GTPBP3: variants seen among roughly 807,000 people sequenced by gnomAD.
GTPBP3 encodes the protein 5-taurinomethyluridine-[tRNA] synthase subunit GTPB3, mitochondrial.
A neutral mutation model predicts 42.0 loss-of-function variants in GTPBP3; 35 were observed. That is an observed-to-expected ratio of 0.83 (90% CI 0.64 to 1.10). The LOEUF is 1.10. Ranked by LOEUF, GTPBP3 falls within the 50% of genes least tolerant of loss-of-function variation. The pLI is 0.00. For synonymous variants in GTPBP3, 332 were observed against 314.9 expected (o/e 1.05, Z -0.58); for missense variants, 691 against 685.2 (o/e 1.01, Z -0.09).
At chr19:17,337,828 C>T (rs2074381363) in intron 1 of GTPBP3, 164 bp downstream of exon 1, 3 of 1,185,112 alleles carry the variant, frequency 2.5e-6, no homozygotes, top group South Asian at 3.2e-5. Flanking sequence ...ATCTGGGTCT[C>T]CTTCTGGCCT....
At position 17,339,271 on chromosome 19, in the gene GTPBP3, G is replaced by C; in HGVS notation, c.808+5G>C. The C allele has an allele frequency of 1.3e-6, 2 of 1,597,014 alleles. No homozygotes were observed. The highest frequency in any genetic ancestry group is 8.5e-7 in the Non-Finnish European group (1 of 1,171,944). On this transcript the variant is annotated splice_donor_5th_base_variant and intron_variant, in intron 6 of 8. Transcript: ENST00000324894. Reference sequence around the variant, plus strand: ...GCAGCCTAGTGAACCTGCTCAGTGAGTAGGCGGCGGGAAGGGGGCGGGGCC... The same window carrying C: ...GCAGCCTAGTGAACCTGCTCAGTGACTAGGCGGCGGGAAGGGGGCGGGGCC...
intron 7 of GTPBP3, among the ~76,000 whole-genome samples, chr19:17,339,848 GC>G (rs1316845658): frequency 1.3e-5 from 2 of 149,176 alleles, no homozygotes; most frequent in Non-Finnish European, 3.0e-5. Flanking sequence ...CCGGGTTCAA[GC>G]AAGTCTCCTG....
In GTPBP3 at chr19:17,339,470, G is replaced by C. The variant is rs2074406084; in HGVS notation, c.845G>C (p.Gly282Ala). 4 of 1,613,844 alleles carry C rather than the reference G, an allele frequency of 2.5e-6. No homozygotes were observed. In the African/African-American group the frequency reaches 4.0e-5, roughly 16 times the overall value. ...KPVSIVSPEP[G>A]TTRDVLETPV... ...GTGTCCATCGTGTCCCCGGAGCCAG[G>C]GACCACCCGTGACGTGCTGGAGACC... Residue 282 changes from glycine (G) to alanine (A), a missense_variant, in exon 7 of 9, where the codon GGG becomes GCG. Transcript: ENST00000324894.
At chr19:17,339,362 A>G in intron 6 of GTPBP3, 72 bp from the exon 7 acceptor site, 1 of 1,589,400 alleles carries the variant, frequency 6.3e-7, no homozygotes, top group South Asian at 1.1e-5. Flanking sequence ...AGCTCCCTCC[A>G]GACATGGGGT....
In GTPBP3 at chr19:17,342,476, C is replaced by A; in HGVS notation, c.*773C>A. The A allele has an allele frequency of 6.6e-6, 1 of 152,358 alleles. No individual in the cohort carries two copies. The highest frequency in any genetic ancestry group is 1.5e-5 in the Non-Finnish European group (1 of 68,072). The allele number at this position is 152,358 out of a possible 1,614,324, so 9.4% of individuals were successfully genotyped here. A position where few individuals can be genotyped will look rare whatever the true frequency, so the allele number is the denominator to read the frequency against. Reference sequence around the variant, plus strand: ...AGAGACAAGGTTTCACCATGTTGACCAGGCTGGTCTTGAACTCCTTGACCT... The same window carrying A: ...AGAGACAAGGTTTCACCATGTTGACAAGGCTGGTCTTGAACTCCTTGACCT... On this transcript the variant is annotated 3_prime_UTR_variant, in exon 9 of 9. Transcript: ENST00000324894.
rs912023504 is a variant in GTPBP3 at position 17,337,853 on chromosome 19, C to T, written c.54-155C>T. The T allele has an allele frequency of 1.5e-5, 18 of 1,205,808 alleles. No homozygotes were observed. The African/African-American group carries it at 2.0e-4, about 13-fold the overall frequency. The allele number at this position is 1,205,808 out of a possible 1,614,324, so 74.7% of individuals were successfully genotyped here. A position where few individuals can be genotyped will look rare whatever the true frequency, so the allele number is the denominator to read the frequency against. On this transcript the variant is annotated intron_variant, in intron 1 of 8. Transcript: ENST00000324894. The stretch of plus-strand genomic sequence containing the variant: ...CCTTCTGGCCTCACAGTCCCTAATC[C>T]GGTCACCCTTCGGCCTTCAGAACAT...
chr19:17,335,116 G>A (rs558570995), upstream of GTPBP3: 3 of 1,535,848 alleles, frequency 2.0e-6, no homozygotes, highest in Admixed American at 2.0e-5. Context: ...TGGAATGTGA[G>A]ATGGGCGTAA....
At position 17,341,500 on chromosome 19, in the gene GTPBP3, C is replaced by T. The variant is rs1403421596; in HGVS notation, c.1276C>T (p.Pro426Ser). 6.2e-7 allele frequency: 1 copy of T among 1,612,044 alleles called. No homozygotes were observed. Among genetic ancestry groups the T allele is most frequent in the Non-Finnish European group, 8.5e-7 (1 of 1,178,956 alleles). ...CAGGTGTGGGGACCCGTCCACAGAT[C>T]CCCCGCTGCTGACCCGAGCAAGGCA... Reference protein sequence around the residue: ...AAVCGDPSTDPPLLTRARHQH... With the variant: ...AAVCGDPSTDSPLLTRARHQH... Residue 426 changes from proline (P) to serine (S), a missense_variant, in exon 9 of 9, where the codon CCC becomes TCC. Pro to Ser is a moderately conservative substitution (Grantham distance 74). Transcript: ENST00000324894.
At chr19:17,335,346 G>T (rs1415555053), upstream of GTPBP3, among the ~76,000 whole-genome samples, 2 of 152,206 alleles carry the variant, frequency 1.3e-5, no homozygotes, top group Non-Finnish European at 2.9e-5. Context: ...ATCCCATAGA[G>T]TTGTCAAGTT....
In GTPBP3 at chr19:17,341,128, C is replaced by T; in HGVS notation, c.1059C>T (p.Val353=). 2 of 1,613,830 alleles carry T rather than the reference C, an allele frequency of 1.2e-6. No homozygotes were observed. The highest frequency in any genetic ancestry group is 1.7e-6 in the Non-Finnish European group (2 of 1,180,024). Residue 353 remains valine (V), a synonymous_variant, in exon 8 of 9, where the codon GTC becomes GTT. Transcript: ENST00000324894. ...SPSSCNFLAT[V]VASVGAQSPS... ...CCAGTTGCAACTTCCTGGCCACCGT[C>T]GTAGCCTCTGTGGGAGCCCAGAGCC...
At chr19:17,335,439 A>C (rs1430143510), upstream of GTPBP3, among the ~76,000 whole-genome samples, 1 of 152,182 alleles carries the variant, frequency 6.6e-6, no homozygotes, top group African/African-American at 2.4e-5. Flanking sequence ...GCGCACCTGT[A>C]ATCCCAGCTA....
At chr19:17,335,310 C>T (rs138154130), upstream of GTPBP3, among the ~76,000 whole-genome samples, 23 of 152,342 alleles carry the variant, frequency 1.5e-4, no homozygotes, top group African/African-American at 5.3e-4. Context: ...AACACCGACT[C>T]CCTTCAGGAT....
In GTPBP3 at chr19:17,338,882, G is replaced by T. The variant is rs990911297; in HGVS notation, c.592-72G>T. 12 of 1,545,294 alleles carry T rather than the reference G, an allele frequency of 7.8e-6. No individual in the cohort carries two copies. The African/African-American group carries it at 1.6e-4, about 21-fold the overall frequency. On this transcript the variant is annotated intron_variant, in intron 4 of 8. Coordinates refer to ENST00000324894, the MANE Select transcript of GTPBP3 (RefSeq NM_032620.4). ...CCGCCATTCTGGCCCCTGAAGTCGG[G>T]CTGGACAAATTGGGTGTGGGAAGGT...
At position 17,338,756 on chromosome 19, in the gene GTPBP3, T is replaced by C. The variant is rs2074395359; in HGVS notation, c.591+15T>C. The C allele has an allele frequency of 1.3e-6, 2 of 1,597,048 alleles. No individual in the cohort carries two copies. The highest frequency in any genetic ancestry group is 8.6e-7 in the Non-Finnish European group (1 of 1,169,508). On this transcript the variant is annotated intron_variant, in intron 4 of 8. Coordinates refer to ENST00000324894, the MANE Select transcript of GTPBP3 (RefSeq NM_032620.4). ...CCCTCACCAAAGCAAGTCCCCCATT[T>C]GTCCATTCTCTCCCTCAGAGACCCC...
chr19:17,335,122 C>T, upstream of GTPBP3: 1 of 1,535,796 alleles, frequency 6.5e-7, no homozygotes, highest in Non-Finnish European at 8.7e-7. Flanking sequence ...GTGAGATGGG[C>T]GTAAGTTGAC....
At position 17,337,828 on chromosome 19, in the gene GTPBP3, CCTT is replaced by C. The variant is rs1568365355; in HGVS notation, c.53+167_53+169del. On this transcript the variant is annotated intron_variant, in intron 1 of 8. Coordinates refer to ENST00000324894, the MANE Select transcript of GTPBP3 (RefSeq NM_032620.4). ...TGCGGCAGAGCCCATATCTGGGTCT[CCTT>C]CTGGCCTCACAGTCCCTAATCCGGT... 8 of 1,184,994 alleles carry C rather than the reference CCTT, an allele frequency of 6.8e-6. No homozygotes were observed. In the East Asian group the frequency reaches 1.0e-4, roughly 15 times the overall value. The allele number at this position is 1,184,994 out of a possible 1,614,324, so 73.4% of individuals were successfully genotyped here. A position where few individuals can be genotyped will look rare whatever the true frequency, so the allele number is the denominator to read the frequency against.
In GTPBP3 at chr19:17,339,441, G is replaced by T. The variant is rs758255485; in HGVS notation, c.816G>T (p.Lys272Asn). ...KSSLVNLLSR[K>N]PVSIVSPEPG... is the part of the protein sequence containing the mutation. ...CTTCTGACCCTCCCCCAGGTCGGAA[G>T]CCTGTGTCCATCGTGTCCCCGGAGC... The change falls in exon 7 of 9, where the codon AAG becomes AAT. Residue 272 changes from lysine to asparagine, a missense_variant. Coordinates refer to ENST00000324894, the MANE Select transcript of GTPBP3 (RefSeq NM_032620.4). The T allele has an allele frequency of 6.2e-7, 1 of 1,613,736 alleles. No individual in the cohort carries two copies.
chr19:17,339,381 G>A (rs1005638033), intron 6 of GTPBP3, 53 bp from the exon 7 acceptor site: 6 of 1,600,342 alleles, frequency 3.7e-6, no homozygotes, highest in Non-Finnish European at 5.1e-6. Context: ...GTAGAACCTG[G>A]GGGAGGAGCT....
rs2074435911 is a variant in GTPBP3, at chr19:17,341,784, G to GA, written c.*82dup. The stretch of plus-strand genomic sequence containing the variant: ...TCTGGAAACAGTTTAGGCCAATTGG[G>GA]ATTCTCATTCGCCTGGGAAAGAACT... On this transcript the variant is annotated 3_prime_UTR_variant, in exon 9 of 9. Coordinates refer to ENST00000324894, the MANE Select transcript of GTPBP3 (RefSeq NM_032620.4). 1 of 1,225,074 alleles carries GA rather than the reference G, an allele frequency of 8.2e-7. No homozygotes were observed. The highest frequency in any genetic ancestry group is 1.1e-6 in the Non-Finnish European group (1 of 876,212). The allele number at this position is 1,225,074 out of a possible 1,614,324, so 75.9% of individuals were successfully genotyped here.
Sources: gnomAD v4.1 joint callset for allele counts (sites outside exome capture counted in the v4.1 genomes callset) on GRCh38, gnomAD v4.1.1 for gene constraint, MANE v1.5 for transcripts, NCBI Gene and HGNC (gene_info 2026-07-23, HGNC 2026-07-21) for gene names.